Variants in PSMB2 observed in about 807,000 individuals in gnomAD.
PSMB2 encodes the protein proteasome subunit beta type-2.
PSMB2 carries 13 observed loss-of-function variants against 25.7 expected under a neutral mutation model. The observed-to-expected ratio is 0.51, with a 90% CI of 0.33 to 0.80. The LOEUF (loss-of-function observed/expected upper bound fraction) is 0.80. Ranked by LOEUF, PSMB2 falls within the 30% of genes least tolerant of loss-of-function variation. PSMB2 has a pLI of 0.02. For missense variants in PSMB2, 202 were observed against 259.0 expected, an observed-to-expected ratio of 0.78 and a Z score of 1.51; for synonymous variants, 87 against 96.2, an observed-to-expected ratio of 0.90 and a Z score of 0.56.
intron 2 of PSMB2, among the ~76,000 whole-genome samples, chr1:35,631,800 C>G (rs1171870672): frequency 1.3e-5 from 2 of 152,100 alleles, no homozygotes; most frequent in African/African-American, 4.8e-5. Context: ...GTGGGAAGAT[C>G]GCTTGAGCCC....
chr1:35,627,115 A>G (rs368713620), intron 3 of PSMB2, among the ~76,000 whole-genome samples: 5 of 152,006 alleles, frequency 3.3e-5, no homozygotes, highest in African/African-American at 1.2e-4. Context: ...TATTTTCCCT[A>G]TCAATACCAG....
At chr1:35,612,208 C>T (rs946329966) in intron 3 of PSMB2, among the ~76,000 whole-genome samples, 1 of 152,006 alleles carries the variant, frequency 6.6e-6, no homozygotes, top group African/African-American at 2.4e-5. Context: ...CTCTGCCAAG[C>T]TCTGGAATTC....
chr1:35,618,765 T>C (rs769879258), intron 3 of PSMB2, among the ~76,000 whole-genome samples: 20 of 152,200 alleles, frequency 1.3e-4, no homozygotes, highest in Non-Finnish European at 2.8e-4. Context: ...GAAAACAATT[T>C]TCTCTTAATC....
chr1:35,635,011 G>T (rs1366418388), intron 2 of PSMB2, among the ~76,000 whole-genome samples: 28 of 152,078 alleles, frequency 1.8e-4, no homozygotes, highest in Non-Finnish European at 5.9e-5. Context: ...TGTAATCCCA[G>T]AACTTTGGGA....
chr1:35,637,799 A>T (rs1273166653), intron 1 of PSMB2, among the ~76,000 whole-genome samples: 1 of 152,234 alleles, frequency 6.6e-6, no homozygotes, highest in African/African-American at 2.4e-5. Context: ...TTTATTTGTT[A>T]TGCAGGCTAG....
intron 3 of PSMB2, among the ~76,000 whole-genome samples, chr1:35,623,127 A>G (rs1650742650): frequency 6.6e-6 from 1 of 152,228 alleles, no homozygotes; most frequent in South Asian, 2.1e-4. Flanking sequence ...TGACCACTAA[A>G]AACAGAACAG....
chr1:35,614,093 T>C (rs1650417462), intron 3 of PSMB2, among the ~76,000 whole-genome samples: 1 of 152,178 alleles, frequency 6.6e-6, no homozygotes, highest in South Asian at 2.1e-4. Context: ...TTTCCTCCTC[T>C]CTCATTCCTG....
rs1200744098 is a variant in PSMB2, at chr1:35,601,165, C to G, written c.*2102G>C. The G allele has an allele frequency of 2.8e-6, 2 of 714,316 alleles. No individual in the cohort carries two copies. Among genetic ancestry groups the G allele is most frequent in the Non-Finnish European group, 3.4e-6 (2 of 589,648 alleles). The allele number at this position is 714,316 out of a possible 1,614,324, so 44.2% of individuals were successfully genotyped here. A position where few individuals can be genotyped will look rare whatever the true frequency, so the allele number is the denominator to read the frequency against. On this transcript the variant is annotated 3_prime_UTR_variant, in exon 6 of 6. Coordinates refer to ENST00000373237, the MANE Select transcript of PSMB2 (RefSeq NM_002794.5). ...CACTGCAACCTCCCTCTCCCGGGCTCAAGCAATTCTCCTGCCTCAGCCTCC... is the reference window on the plus strand; with the variant it reads ...CACTGCAACCTCCCTCTCCCGGGCTGAAGCAATTCTCCTGCCTCAGCCTCC...
At chr1:35,637,513 C>T (rs1417844822) in intron 1 of PSMB2, among the ~76,000 whole-genome samples, 1 of 152,138 alleles carries the variant, frequency 6.6e-6, no homozygotes, top group African/African-American at 2.4e-5. Flanking sequence ...TCAGAAAAGG[C>T]CTAAATCTTC....
At chr1:35,614,998 T>C (rs1342827666) in intron 3 of PSMB2, among the ~76,000 whole-genome samples, 1 of 152,200 alleles carries the variant, frequency 6.6e-6, no homozygotes, top group Non-Finnish European at 1.5e-5. Context: ...AAAGTACCCA[T>C]CATTATAAGG....
At chr1:35,631,543 C>T in intron 2 of PSMB2, 199 bp from the exon 3 acceptor site, 3 of 1,367,078 alleles carry the variant, frequency 2.2e-6, no homozygotes, top group Non-Finnish European at 2.8e-6. Flanking sequence ...GTACTGACAG[C>T]AATTCTTGGC....
intron 4 of PSMB2, among the ~76,000 whole-genome samples, chr1:35,608,570 C>A (rs1273433920): frequency 6.6e-6 from 1 of 152,118 alleles, no homozygotes; most frequent in Admixed American, 6.5e-5. Flanking sequence ...TGTATTGAAA[C>A]ATCATGATGT....
At chr1:35,620,901 G>A (rs1650663010) in intron 3 of PSMB2, among the ~76,000 whole-genome samples, 1 of 151,724 alleles carries the variant, frequency 6.6e-6, no homozygotes, top group Non-Finnish European at 1.5e-5. Flanking sequence ...CCTGGCCTCA[G>A]GTGATCCACC....
At chr1:35,623,821 A>G (rs1650768937) in intron 3 of PSMB2, among the ~76,000 whole-genome samples, 2 of 152,222 alleles carry the variant, frequency 1.3e-5, no homozygotes, top group South Asian at 4.1e-4. Flanking sequence ...TACCCTTGTT[A>G]GTGATATTTC....
At chr1:35,626,772 G>A (rs1307913568) in intron 3 of PSMB2, among the ~76,000 whole-genome samples, 1 of 152,182 alleles carries the variant, frequency 6.6e-6, no homozygotes, top group Non-Finnish European at 1.5e-5. Flanking sequence ...AGATACATAT[G>A]TAAGTATTTA....
intron 1 of PSMB2, among the ~76,000 whole-genome samples, 161 bp downstream of exon 1, chr1:35,641,181 A>AC (rs909204697): frequency 1.8e-4 from 27 of 151,810 alleles, no homozygotes; most frequent in African/African-American, 6.5e-4. Context: ...CAAGAGCGAA[A>AC]CCCCTCTCGA....
chr1:35,635,395 T>C (rs112840041), intron 2 of PSMB2, among the ~76,000 whole-genome samples: 3,052 of 151,990 alleles, frequency 0.02, 92 homozygotes, highest in East Asian at 0.058. Context: ...GCATGAGCCA[T>C]CATACCAGGC....
chr1:35,605,310 T>G, intron 4 of PSMB2, 28 bp from the exon 5 acceptor site: 2 of 1,604,870 alleles, frequency 1.2e-6, no homozygotes, highest in Non-Finnish European at 1.7e-6. Flanking sequence ...GACCAAATAC[T>G]TCCGGTGCTG....
Position 35,603,157 on chromosome 1 carries a change from C to T in PSMB2, c.*110G>A. ...GAGGGCTCAATTATATCCATAGTCA[C>T]CTTTATTCTGAATTAACCATTTATC... is the stretch of plus-strand genomic sequence containing the variant. On this transcript the variant is annotated 3_prime_UTR_variant, in exon 6 of 6. Coordinates refer to ENST00000373237, the MANE Select transcript of PSMB2 (RefSeq NM_002794.5). 1 of 1,477,120 alleles carries T rather than the reference C, an allele frequency of 6.8e-7. No homozygotes were observed. The highest frequency in any genetic ancestry group is 2.4e-5 in the East Asian group (1 of 41,882). The allele number at this position is 1,477,120 out of a possible 1,614,324, so 91.5% of individuals were successfully genotyped here.
Sources: gnomAD v4.1 joint callset for allele counts (sites outside exome capture counted in the v4.1 genomes callset) on GRCh38, gnomAD v4.1.1 for gene constraint, MANE v1.5 for transcripts, NCBI Gene and HGNC (gene_info 2026-07-23, HGNC 2026-07-21) for gene names.